PDE4DIP: variants seen among roughly 807,000 people sequenced by gnomAD.
PDE4DIP encodes the protein myomegalin.
A neutral mutation model predicts 221.4 loss-of-function variants in PDE4DIP; 59 were observed. That is an observed-to-expected ratio of 0.27 (90% CI 0.22 to 0.33). The LOEUF is 0.33. Ranked by LOEUF, PDE4DIP falls within the 10% of genes least tolerant of loss-of-function variation. The pLI is 1.00. For missense variants in PDE4DIP, 1,036 were observed against 2,154.2 expected (o/e 0.48, Z 10.28); for synonymous variants, 404 against 815.9 (o/e 0.50, Z 8.60).
At chr1:149,012,499 G>A (rs2152581742) in intron 31 of PDE4DIP, 92 bp from the exon 35 acceptor site, 1 of 635,240 alleles carries the variant, frequency 1.6e-6, no homozygotes, top group East Asian at 2.8e-5. Flanking sequence ...TCTGGTCAGG[G>A]AATGCTTTTA....
chr1:149,029,344 A>AG (rs1374176995), intron 41 of PDE4DIP, among the ~76,000 whole-genome samples: 1 of 152,148 alleles, frequency 6.6e-6, no homozygotes, highest in African/African-American at 2.4e-5. Context: ...TTCCAGGGAG[A>AG]GGGTGTTTTG....
rs375341111 is a variant in PDE4DIP, at chr1:149,028,729, T to C, written c.6813+26T>C. 50 of 1,442,986 alleles carry C rather than the reference T, an allele frequency of 3.5e-5. No individual in the cohort carries two copies. The African/African-American group carries it at 6.9e-4, about 20-fold the overall frequency. 89.4% of individuals were successfully genotyped at this position (1,442,986 alleles called of 1,614,324 possible). On this transcript the variant is annotated intron_variant, in intron 41 of 43. Coordinates refer to ENST00000369354, the Ensembl canonical transcript of PDE4DIP. ...GTAAGATGCCAGTGCCCTTTCTTGG[T>C]TCAAACCCAGTTCTCCTGCCCTCCA...
intron 1 of PDE4DIP, among the ~76,000 whole-genome samples, chr1:148,911,927 A>G (rs1195300513): frequency 2.7e-5 from 4 of 149,246 alleles, no homozygotes; most frequent in Non-Finnish European, 3.0e-5. Context: ...CTTGAAATTT[A>G]ATATAATCAC....
rs370421011 is a variant in PDE4DIP at position 149,027,348 on chromosome 1, G to T, written c.6443-53G>T. On this transcript the variant is annotated intron_variant, in intron 39 of 43. Transcript: ENST00000369354. ...TCTTTTTTAGTTGGAGCAAACTGAGGATATCATTATGAATAACAGAAGATT... is the reference window on the plus strand; with the variant it reads ...TCTTTTTTAGTTGGAGCAAACTGAGTATATCATTATGAATAACAGAAGATT... The T allele has an allele frequency of 9.7e-4, 767 of 791,432 alleles. 10 individuals are homozygous for T. In the South Asian group the frequency reaches 0.011, roughly 11 times the overall value. 49.0% of individuals were successfully genotyped at this position (791,432 alleles called of 1,614,324 possible). A position where few individuals can be genotyped will look rare whatever the true frequency, so the allele number is the denominator to read the frequency against.
chr1:149,017,753 G>A, exon 34 of PDE4DIP: 1 of 1,594,472 alleles, frequency 6.3e-7, no homozygotes, highest in Non-Finnish European at 8.6e-7. Context: ...CGCAGGGGCT[G>A]ACCTGCTGGA....
intron 4 of PDE4DIP, 146 bp downstream of exon 7, chr1:148,932,434 T>C (rs1553471274): frequency 7.8e-7 from 1 of 1,282,930 alleles, no homozygotes; most frequent in African/African-American, 1.5e-5. Context: ...GACATTCTTT[T>C]CAGGGTTGAA....
chr1:148,989,525 T>C (rs376025442), intron 21 of PDE4DIP: 7,420 of 127,560 alleles, frequency 0.058, no homozygotes, highest in East Asian at 0.083. Context: ...AGACCAGTGA[T>C]AGTCACCCTT....
intron 1 of PDE4DIP, among the ~76,000 whole-genome samples, chr1:148,912,006 C>G (rs2149848721): frequency 6.8e-6 from 1 of 146,604 alleles, no homozygotes; most frequent in Admixed American, 6.8e-5. Flanking sequence ...CTGCTCATAC[C>G]CAAAGAGAAG....
chr1:148,905,178 G>GT (rs56687289), intron 1 of PDE4DIP, among the ~76,000 whole-genome samples: 1,385 of 94,472 alleles, frequency 0.015, 1 homozygote, highest in African/African-American at 0.025. Flanking sequence ...TCTCTTCTAG[G>GT]TTTTTTTTTT....
At chr1:148,885,098 A>T (rs1695426017), upstream of PDE4DIP, among the ~76,000 whole-genome samples, 1 of 147,532 alleles carries the variant, frequency 6.8e-6, no homozygotes, top group Non-Finnish European at 1.5e-5. Context: ...ACAGCAGTGA[A>T]CAAACTAAGA....
At chr1:149,013,857 G>A (rs587722670) in intron 32 of PDE4DIP, among the ~76,000 whole-genome samples, 72 of 138,644 alleles carry the variant, frequency 5.2e-4, no homozygotes, top group East Asian at 8.4e-4. Flanking sequence ...GCACGATCTC[G>A]GCTCACTGCA....
intron 43 of PDE4DIP, 23 bp from the exon 47 acceptor site, chr1:149,031,921 G>A (rs782178997): frequency 2.9e-5 from 47 of 1,597,010 alleles, no homozygotes; most frequent in Non-Finnish European, 3.1e-5. Flanking sequence ...CACTGATTTG[G>A]TTTGTTTTAT....
intron 1 of PDE4DIP, among the ~76,000 whole-genome samples, chr1:148,813,681 A>T (rs587749262): frequency 3.0e-5 from 3 of 100,868 alleles, no homozygotes; most frequent in African/African-American, 1.2e-4. Flanking sequence ...TTTTTCTAGA[A>T]GTTTTATAGT....
chr1:148,962,534 G>A (rs201338400), exon 9 of PDE4DIP: 38 of 665,826 alleles, frequency 5.7e-5, no homozygotes, highest in African/African-American at 4.2e-5. Flanking sequence ...AGGGTGGTAC[G>A]ACAGAAAGAG....
At chr1:148,981,895 A>G (rs1231243745) in intron 21 of PDE4DIP, 3 of 164,284 alleles carry the variant, frequency 1.8e-5, no homozygotes, top group African/African-American at 7.2e-5. Context: ...AAAGCATGCA[A>G]GTTTTAAGAT....
At chr1:148,969,914 C>A (rs1256616224) in intron 14 of PDE4DIP, among the ~76,000 whole-genome samples, 1 of 152,136 alleles carries the variant, frequency 6.6e-6, no homozygotes, top group Non-Finnish European at 1.5e-5. Context: ...CCATGTTGGC[C>A]AGGCTGGCTT....
At chr1:148,944,768 G>C (rs12119064) in intron 5 of PDE4DIP, among the ~76,000 whole-genome samples, 18,977 of 152,014 alleles carry the variant, frequency 0.12, 1,233 homozygotes, top group Middle Eastern at 0.2. Context: ...CTACTGGGGA[G>C]GCTGAGGCAG....
At chr1:148,998,198 C>T in exon 23 of PDE4DIP, 1 of 1,493,564 alleles carries the variant, frequency 6.7e-7, no homozygotes, top group South Asian at 1.1e-5. Context: ...CAGAACCCAT[C>T]TTTTTCCCCT....
At chr1:148,952,814 CT>C (rs781922303) in intron 5 of PDE4DIP, 1 of 1,355,344 alleles carries the variant, frequency 7.4e-7, no homozygotes, top group South Asian at 1.3e-5. Flanking sequence ...TGCCCGAGAG[CT>C]GTGTGGAAAC....
Sources: gnomAD v4.1 joint callset for allele counts (sites outside exome capture counted in the v4.1 genomes callset) on GRCh38, gnomAD v4.1.1 for gene constraint, MANE v1.5 for transcripts, NCBI Gene and HGNC (gene_info 2026-07-23, HGNC 2026-07-21) for gene names.